CRY1: variants seen among roughly 807,000 people sequenced by gnomAD.
CRY1 encodes the protein cryptochrome circadian regulator 1.
In CRY1, 45 loss-of-function variants were observed where a neutral mutation model predicts 76.0. That is an observed-to-expected ratio of 0.59 (90% CI 0.47 to 0.76). The LOEUF is 0.76. Among genes scored for constraint, CRY1 ranks in the 30% least tolerant of loss-of-function variants. The pLI, the probability that CRY1 is intolerant of heterozygous loss-of-function variation, is 0.00. For missense variants in CRY1, 587 were observed against 716.4 expected (o/e 0.82, Z 2.06); for synonymous variants, 248 against 244.0 (o/e 1.02, Z -0.15).
chr12:107,018,904 G>A (rs1340086665), intron 2 of CRY1, among the ~76,000 whole-genome samples: 2 of 152,166 alleles, frequency 1.3e-5, no homozygotes, highest in Non-Finnish European at 2.9e-5. Context: ...AGAATAAATT[G>A]AGTGAATGAC....
intron 1 of CRY1, among the ~76,000 whole-genome samples, chr12:107,073,325 C>T (rs1418446729): frequency 1.3e-5 from 2 of 151,948 alleles, no homozygotes; most frequent in Non-Finnish European, 2.9e-5. Flanking sequence ...ATTCTGTCTC[C>T]CTGGTTCAAC....
At chr12:107,011,414 C>T (rs1952442629) in intron 2 of CRY1, among the ~76,000 whole-genome samples, 1 of 151,090 alleles carries the variant, frequency 6.6e-6, no homozygotes, top group African/African-American at 2.4e-5. Context: ...AGGCCATTTG[C>T]ACCAGTTAGC....
At chr12:107,074,700 C>T (rs1248325593) in intron 1 of CRY1, among the ~76,000 whole-genome samples, 1 of 152,118 alleles carries the variant, frequency 6.6e-6, no homozygotes, top group East Asian at 1.9e-4. Context: ...GGGACCTTGG[C>T]AATTATGTAG....
At chr12:107,074,456 T>A (rs1447540527) in intron 1 of CRY1, among the ~76,000 whole-genome samples, 1 of 152,210 alleles carries the variant, frequency 6.6e-6, no homozygotes, top group Non-Finnish European at 1.5e-5. Context: ...TAGGATAAGA[T>A]AAAAATGGCA....
At chr12:107,035,112 A>C (rs757821431) in intron 1 of CRY1, among the ~76,000 whole-genome samples, 25 of 152,332 alleles carry the variant, frequency 1.6e-4, no homozygotes, top group Middle Eastern at 3.4e-3. Flanking sequence ...TCTATGAATA[A>C]TGCTTTTCTG....
chr12:107,006,618 C>T (rs1952377058), intron 2 of CRY1, among the ~76,000 whole-genome samples: 1 of 146,246 alleles, frequency 6.8e-6, no homozygotes. Flanking sequence ...ACACACTTGC[C>T]AATAATATGT....
intron 1 of CRY1, among the ~76,000 whole-genome samples, chr12:107,076,075 T>C (rs1953248552): frequency 6.6e-6 from 1 of 151,722 alleles, no homozygotes; most frequent in African/African-American, 2.4e-5. Flanking sequence ...GAATTCAAGA[T>C]AGAGGCCAGT....
chr12:107,067,256 G>A (rs931038360), intron 1 of CRY1, among the ~76,000 whole-genome samples: 5 of 152,116 alleles, frequency 3.3e-5, no homozygotes, highest in Non-Finnish European at 1.5e-5. Context: ...GGCTCACAAA[G>A]CTGAAAATAT....
At chr12:107,028,536 T>C (rs2136853518) in intron 1 of CRY1, among the ~76,000 whole-genome samples, 1 of 152,242 alleles carries the variant, frequency 6.6e-6, no homozygotes, top group African/African-American at 2.4e-5. Flanking sequence ...ACCTAGATAA[T>C]ATAACATTTC....
chr12:107,084,755 G>C (rs1953374988), intron 1 of CRY1, among the ~76,000 whole-genome samples: 1 of 152,126 alleles, frequency 6.6e-6, no homozygotes, highest in Non-Finnish European at 1.5e-5. Flanking sequence ...TCAGGACATA[G>C]GCATGGGCAA....
chr12:107,038,106 ACTT>A (rs1046030786), intron 1 of CRY1, among the ~76,000 whole-genome samples: 1 of 152,224 alleles, frequency 6.6e-6, no homozygotes, highest in African/African-American at 2.4e-5. Flanking sequence ...AGAGGTTACT[ACTT>A]CTTTACAAGA....
intron 1 of CRY1, among the ~76,000 whole-genome samples, chr12:107,054,648 T>C (rs544386229): frequency 1.4e-4 from 20 of 148,070 alleles, no homozygotes; most frequent in South Asian, 1.1e-3. Flanking sequence ...TCCAGAAAGT[T>C]TGAAAAAAAA....
chr12:107,059,197 T>G (rs1399571512), intron 1 of CRY1, among the ~76,000 whole-genome samples: 2 of 152,212 alleles, frequency 1.3e-5, no homozygotes, highest in Non-Finnish European at 2.9e-5. Context: ...TTATTTTTAA[T>G]GTAAGTTACA....
intron 1 of CRY1, among the ~76,000 whole-genome samples, chr12:107,060,083 T>C (rs891103484): frequency 3.9e-5 from 6 of 152,232 alleles, no homozygotes; most frequent in African/African-American, 9.6e-5. Context: ...ATTATATGCG[T>C]TGATATTAAT....
intron 1 of CRY1, among the ~76,000 whole-genome samples, chr12:107,072,735 T>C (rs560879573): frequency 6.6e-6 from 1 of 152,336 alleles, no homozygotes; most frequent in Admixed American, 6.5e-5. Context: ...ACATTTATAT[T>C]TTCATATTTT....
intron 1 of CRY1, chr12:107,043,276 G>A (rs1454669429): frequency 6.6e-6 from 1 of 152,222 alleles, no homozygotes; most frequent in Non-Finnish European, 1.5e-5. Flanking sequence ...CAGTACCTTG[G>A]CCACTCTGAG....
chr12:107,046,847 T>C (rs1952853744), intron 1 of CRY1, among the ~76,000 whole-genome samples: 1 of 152,248 alleles, frequency 6.6e-6, no homozygotes, highest in Admixed American at 6.5e-5. Flanking sequence ...CAACTGTTAA[T>C]ATAATGTATC....
chr12:107,031,965 G>A (rs749373681), intron 1 of CRY1, among the ~76,000 whole-genome samples: 6 of 151,976 alleles, frequency 3.9e-5, no homozygotes, highest in Non-Finnish European at 7.4e-5. Flanking sequence ...AGGGAGTTTC[G>A]CTCTTGTCGC....
chr12:106,995,730 G>A (rs1384876292), intron 10 of CRY1, among the ~76,000 whole-genome samples: 1 of 152,000 alleles, frequency 6.6e-6, no homozygotes, highest in Non-Finnish European at 1.5e-5. Flanking sequence ...GTGCCATGGG[G>A]GTTTGCTGCA....
Sources: allele counts gnomAD v4.1 joint callset (sites outside exome capture counted in the v4.1 genomes callset), GRCh38; gene constraint gnomAD v4.1.1; transcripts MANE v1.5; gene names NCBI Gene and HGNC (gene_info 2026-07-23, HGNC 2026-07-21).